GAS2L3: variants seen among roughly 807,000 people sequenced by gnomAD.
The protein encoded by GAS2L3 is growth arrest specific 2 like 3.
Under a neutral mutation model 37.0 loss-of-function variants are expected in GAS2L3, and 28 were observed. That is an observed-to-expected ratio of 0.76 (90% CI 0.56 to 1.04). GAS2L3 has a LOEUF of 1.04. GAS2L3 is among the 50% of genes least tolerant of loss of function. The pLI, the probability that GAS2L3 is intolerant of heterozygous loss-of-function variation, is 0.00. For synonymous variants in GAS2L3, 290 were observed against 296.6 expected, an observed-to-expected ratio of 0.98 and a Z score of 0.23; for missense variants, 793 against 817.6, an observed-to-expected ratio of 0.97 and a Z score of 0.37.
chr12:100,616,182 A>G (rs916648146), intron 6 of GAS2L3, among the ~76,000 whole-genome samples: 4 of 152,192 alleles, frequency 2.6e-5, no homozygotes, highest in African/African-American at 4.8e-5. Context: ...TTTTCAGTGT[A>G]CAAGTATTAC....
intron 5 of GAS2L3, among the ~76,000 whole-genome samples, chr12:100,606,706 A>C (rs1304093896): frequency 6.6e-6 from 1 of 152,050 alleles, no homozygotes; most frequent in Non-Finnish European, 1.5e-5. Context: ...AATATAACCC[A>C]TTATTTTAAA....
chr12:100,600,413 C>T lies in GAS2L3; in HGVS notation c.50C>T (p.Pro17Leu). The change falls in exon 4 of 10, where the codon CCT (proline) becomes CTT (leucine). Residue 17 changes from proline to leucine, a missense_variant. Coordinates refer to ENST00000547754, the MANE Select transcript of GAS2L3 (RefSeq NM_174942.3). ...VWFGEDLPLSPRSPLTPRHGP... is the reference protein window; with the variant it reads ...VWFGEDLPLSLRSPLTPRHGP... ...TTTGGAGAAGATCTGCCTCTAAGTC[C>T]TCGGAGTCCTCTGACTCCCAGACAC... The T allele has an allele frequency of 6.2e-7, 1 of 1,606,084 alleles. No homozygotes were observed. Among genetic ancestry groups the T allele is most frequent in the East Asian group, 2.2e-5 (1 of 44,586 alleles).
chr12:100,598,876 G>A (rs1012909174), intron 3 of GAS2L3, among the ~76,000 whole-genome samples: 2 of 152,160 alleles, frequency 1.3e-5, no homozygotes, highest in African/African-American at 4.8e-5. Flanking sequence ...TGTCTTCAGT[G>A]AGAAGATTGG....
intron 5 of GAS2L3, 56 bp downstream of exon 5, chr12:100,601,809 A>G: frequency 1.2e-6 from 1 of 865,840 alleles, no homozygotes; most frequent in Admixed American, 2.2e-5. Context: ...TAATTTATGT[A>G]CACTTCTTAT....
rs1357057493 is a variant in GAS2L3, at chr12:100,600,624, C to T, written c.187+74C>T. On this transcript the variant is annotated intron_variant, in intron 4 of 9. Transcript: ENST00000547754. ...ATTTATTGAGAGCCTTACTCTTTGT[C>T]AAGGAGTGATTGTTACAGATGCTGG... is the stretch of plus-strand genomic sequence containing the variant. The T allele has an allele frequency of 1.2e-5, 14 of 1,190,948 alleles. No individual in the cohort carries two copies. The African/African-American group carries it at 2.0e-4, about 17-fold the overall frequency. 73.8% of individuals were successfully genotyped at this position (1,190,948 alleles called of 1,614,324 possible).
chr12:100,624,109 G>A lies in GAS2L3; in HGVS notation c.1304G>A (p.Cys435Tyr). Residue 435 changes from cysteine to tyrosine, a missense_variant, in exon 10 of 10, where the codon TGT (cysteine) becomes TAT (tyrosine). Coordinates refer to ENST00000547754, the MANE Select transcript of GAS2L3 (RefSeq NM_174942.3). ...APCISESPRK[C>Y]ISSPNTPKAK... ...TGTATATCTGAGTCACCGAGAAAATGTATTTCATCCCCCAATACCCCCAAG... is the reference window on the plus strand; with the variant it reads ...TGTATATCTGAGTCACCGAGAAAATATATTTCATCCCCCAATACCCCCAAG... 6.2e-7 allele frequency: 1 copy of A among 1,613,774 alleles called. No individual in the cohort carries two copies. Among genetic ancestry groups the A allele is most frequent in the Non-Finnish European group, 8.5e-7 (1 of 1,179,960 alleles).
At chr12:100,581,829 A>AT (rs756250151) in intron 1 of GAS2L3, among the ~76,000 whole-genome samples, 6 of 152,038 alleles carry the variant, frequency 3.9e-5, no homozygotes, top group Non-Finnish European at 8.8e-5. Context: ...TTTTTTCCTT[A>AT]TTTTTTGCTT....
rs1368486251 is a variant in GAS2L3 at position 100,618,651 on chromosome 12, C to G, written c.648+64C>G. 4 of 1,426,642 alleles carry G rather than the reference C, an allele frequency of 2.8e-6. No individual in the cohort carries two copies. The South Asian group carries it at 4.0e-5, about 14-fold the overall frequency. The allele number at this position is 1,426,642 out of a possible 1,614,324, so 88.4% of individuals were successfully genotyped here. On this transcript the variant is annotated intron_variant, in intron 8 of 9. Transcript: ENST00000547754. ...TGAAGTCTCATAGTTTTAAGCACTT[C>G]TAGTGTGCTACAGGTGATGCTATTT...
intron 5 of GAS2L3, chr12:100,610,971 A>AT (rs1956120440): frequency 6.6e-6 from 1 of 151,482 alleles, no homozygotes; most frequent in South Asian, 2.1e-4. Flanking sequence ...GTAAGCAAAA[A>AT]TGGGTGTCTG....
Position 100,624,211 on chromosome 12 carries a change from C to T in GAS2L3, c.1406C>T (p.Thr469Ile). ...TTGCCAAATAAGTGTTCAGGAAAAA[C>T]TCAACCTAAGTATTTGAAACATAAT... ...TLLPNKCSGK[T>I]QPKYLKHNHI... The change falls in exon 10 of 10, where the codon ACT (threonine) becomes ATT (isoleucine). Residue 469 changes from threonine to isoleucine, a missense_variant. Transcript: ENST00000547754. 1 of 1,613,942 alleles carries T rather than the reference C, an allele frequency of 6.2e-7. No individual in the cohort carries two copies. The highest frequency in any genetic ancestry group is 8.5e-7 in the Non-Finnish European group (1 of 1,180,000).
intron 1 of GAS2L3, among the ~76,000 whole-genome samples, chr12:100,583,361 T>G (rs1031469920): frequency 6.6e-6 from 1 of 152,254 alleles, no homozygotes; most frequent in Admixed American, 6.5e-5. Flanking sequence ...TTACTTAAGA[T>G]GTAAAAATGT....
rs777487316 is a variant in GAS2L3, at chr12:100,618,437, G to T, written c.510-12G>T. The T allele has an allele frequency of 2.4e-5, 38 of 1,596,968 alleles. No homozygotes were observed. Among genetic ancestry groups the T allele is most frequent in the Non-Finnish European group, 2.8e-5 (33 of 1,173,380 alleles). On this transcript the variant is annotated splice_polypyrimidine_tract_variant and intron_variant, in intron 7 of 9. Transcript: ENST00000547754. ...TTTGCTTGAATGATCAGATCTCCTG[G>T]TTGGTTTTCAGATACGGGGTTGAGC...
intron 1 of GAS2L3, among the ~76,000 whole-genome samples, chr12:100,587,039 C>T (rs1040467402): frequency 6.6e-6 from 1 of 152,046 alleles, no homozygotes; most frequent in Non-Finnish European, 1.5e-5. Flanking sequence ...GAATTAGATA[C>T]CCTGAACAGA....
chr12:100,625,628 A>G lies in GAS2L3; in HGVS notation c.*738A>G, dbSNP rs891440672. On this transcript the variant is annotated 3_prime_UTR_variant, in exon 10 of 10. Coordinates refer to ENST00000547754, the MANE Select transcript of GAS2L3 (RefSeq NM_174942.3). ...ACAATTTTTTATATTATCTATAAAAACGTAGACACCTTATGTTTCACATGT... is the reference window on the plus strand; with the variant it reads ...ACAATTTTTTATATTATCTATAAAAGCGTAGACACCTTATGTTTCACATGT... 3 of 152,164 alleles carry G rather than the reference A, an allele frequency of 2.0e-5. No individual in the cohort carries two copies. Among genetic ancestry groups the G allele is most frequent in the Non-Finnish European group, 4.4e-5 (3 of 68,026 alleles). 9.4% of individuals were successfully genotyped at this position (152,164 alleles called of 1,614,324 possible). A position where few individuals can be genotyped will look rare whatever the true frequency, so the allele number is the denominator to read the frequency against.
chr12:100,609,878 C>T (rs1434074876), intron 5 of GAS2L3, among the ~76,000 whole-genome samples: 1 of 152,190 alleles, frequency 6.6e-6, no homozygotes, highest in African/African-American at 2.4e-5. Flanking sequence ...TCTCCCCCTC[C>T]CAAATACACA....
rs929903883 is a variant in GAS2L3, at chr12:100,623,804, C to A, written c.999C>A (p.Pro333=). The change falls in exon 10 of 10, where the codon CCC becomes CCA. Residue 333 remains proline, a synonymous_variant. Coordinates refer to ENST00000547754, the MANE Select transcript of GAS2L3 (RefSeq NM_174942.3). ...VNMFQKQNSK[P]SVPVSIPKSK... is the part of the protein sequence containing the mutation. ...TGTTTCAGAAACAAAATTCAAAACC[C>A]AGCGTGCCAGTTAGTATTCCAAAAA... 1.8e-5 allele frequency: 29 copies of A among 1,613,994 alleles called. No homozygotes were observed. Among genetic ancestry groups the A allele is most frequent in the Non-Finnish European group, 2.4e-5 (28 of 1,179,988 alleles).
rs752130851 is a variant in GAS2L3 at position 100,617,766 on chromosome 12, G to A, written c.468G>A (p.Gln156=). 1.3e-5 allele frequency: 21 copies of A among 1,607,400 alleles called. 1 individual carries two copies. In the South Asian group the frequency reaches 2.2e-4, roughly 17 times the overall value. Reference sequence around the variant, plus strand: ...CAGTTTTGCACAAAGATCCAAGACAGGTGTATCTTTGTCTTCTTGAAATTG... The same window carrying A: ...CAGTTTTGCACAAAGATCCAAGACAAGTGTATCTTTGTCTTCTTGAAATTG... ...EGLVLHKDPR[Q]VYLCLLEIGR... The change falls in exon 7 of 10, where the codon CAG becomes CAA. Residue 156 remains glutamine (Q), a synonymous_variant. Transcript: ENST00000547754.
chr12:100,612,758 C>T (rs1186345202), intron 6 of GAS2L3, among the ~76,000 whole-genome samples: 1 of 152,102 alleles, frequency 6.6e-6, no homozygotes, highest in Non-Finnish European at 1.5e-5. Flanking sequence ...CACCCACCAC[C>T]CCACCCCCAC....
At chr12:100,583,769 G>A (rs1231026329) in intron 1 of GAS2L3, among the ~76,000 whole-genome samples, 4 of 151,926 alleles carry the variant, frequency 2.6e-5, no homozygotes, top group Non-Finnish European at 5.9e-5. Context: ...GCACCCAGCC[G>A]TCATTTTTTT....
Sources: gnomAD v4.1 joint callset for allele counts (sites outside exome capture counted in the v4.1 genomes callset) on GRCh38, gnomAD v4.1.1 for gene constraint, MANE v1.5 for transcripts, NCBI Gene and HGNC (gene_info 2026-07-23, HGNC 2026-07-21) for gene names.